CFAP61: variants seen among roughly 807,000 people sequenced by gnomAD.
The protein encoded by CFAP61 is cilia and flagella associated protein 61, also known as cilia- and flagella-associated protein 61.
CFAP61 carries 107 observed loss-of-function variants against 135.6 expected under a neutral mutation model. The observed-to-expected ratio is 0.79, with a 90% CI of 0.67 to 0.93. CFAP61 has a LOEUF of 0.93. Among genes scored for constraint, CFAP61 ranks in the 40% least tolerant of loss-of-function variants. The probability of loss-of-function intolerance (pLI) is 0.00; values close to 1 mark genes in which losing one functional copy is unlikely to be tolerated. For missense variants in CFAP61, 1,507 were observed against 1,556.2 expected, an observed-to-expected ratio of 0.97 and a Z score of 0.53; for synonymous variants, 575 against 578.5, an observed-to-expected ratio of 0.99 and a Z score of 0.09.
chr20:20,300,992 G>A (rs907841135), intron 25 of CFAP61, among the ~76,000 whole-genome samples: 1 of 152,098 alleles, frequency 6.6e-6, no homozygotes, highest in Non-Finnish European at 1.5e-5. Context: ...AAAAGAGTAA[G>A]CACAGGTTAA....
chr20:20,056,795 C>T lies in CFAP61; in HGVS notation c.142C>T (p.Leu48=). ...TGGGAAGCTAAATATCATCTATCTT[C>T]TGTAAGTAGATAACTAAGTTCAAGA... ...LFGKLNIIYL[L]EKANLAVTLC... is the part of the protein sequence containing the mutation. Residue 48 remains leucine (L), a splice_region_variant and synonymous_variant, in exon 2 of 27, where the codon CTA becomes TTA. Coordinates refer to ENST00000245957, the MANE Select transcript of CFAP61 (RefSeq NM_015585.4). 1 of 1,613,888 alleles carries T rather than the reference C, an allele frequency of 6.2e-7. No individual in the cohort carries two copies. The highest frequency in any genetic ancestry group is 8.5e-7 in the Non-Finnish European group (1 of 1,179,864).
intron 18 of CFAP61, among the ~76,000 whole-genome samples, chr20:20,241,144 TG>T (rs1180735361): frequency 6.6e-6 from 1 of 152,180 alleles, no homozygotes; most frequent in Non-Finnish European, 1.5e-5. Context: ...TGGGGAGACA[TG>T]TCTCTTCTGA....
intron 6 of CFAP61, among the ~76,000 whole-genome samples, chr20:20,081,193 A>G (rs1282197597): frequency 2.0e-5 from 3 of 152,206 alleles, no homozygotes; most frequent in Non-Finnish European, 4.4e-5. Flanking sequence ...ACATGTTCCT[A>G]CAAAGTAGGC....
chr20:20,284,623 T>C (rs947778455), intron 22 of CFAP61, among the ~76,000 whole-genome samples: 17 of 152,204 alleles, frequency 1.1e-4, no homozygotes, highest in Admixed American at 1.3e-4. Flanking sequence ...CTTTTAGTAA[T>C]TGCTCTATGG....
chr20:20,192,298 A>T (rs75304972), intron 15 of CFAP61, among the ~76,000 whole-genome samples: 1 of 151,858 alleles, frequency 6.6e-6, no homozygotes, highest in Admixed American at 6.6e-5. Context: ...TTTGTGCCAT[A>T]TGAGTTTTTG....
intron 8 of CFAP61, among the ~76,000 whole-genome samples, chr20:20,130,067 A>G (rs904907490): frequency 6.6e-6 from 1 of 151,726 alleles, no homozygotes; most frequent in Non-Finnish European, 1.5e-5. Flanking sequence ...AGGCGGGCAG[A>G]TCATGAGGTC....
At chr20:20,100,385 C>T (rs2047937132) in intron 8 of CFAP61, among the ~76,000 whole-genome samples, 1 of 152,036 alleles carries the variant, frequency 6.6e-6, no homozygotes, top group African/African-American at 2.4e-5. Context: ...GTTGGCCAGG[C>T]TGGTCTTGAA....
intron 17 of CFAP61, among the ~76,000 whole-genome samples, chr20:20,210,603 G>T (rs780976828): frequency 9.8e-5 from 15 of 152,294 alleles, no homozygotes; most frequent in Admixed American, 6.5e-5. Flanking sequence ...ACCCCACTAG[G>T]ATGACAGCAG....
chr20:20,121,748 C>T (rs1429462042), intron 8 of CFAP61, among the ~76,000 whole-genome samples: 1 of 152,140 alleles, frequency 6.6e-6, no homozygotes, highest in Non-Finnish European at 1.5e-5. Flanking sequence ...CCTGCTTCAG[C>T]CTTCCAAAAT....
intron 26 of CFAP61, among the ~76,000 whole-genome samples, chr20:20,346,300 C>T (rs62200213): frequency 0.017 from 2,476 of 148,956 alleles, 67 homozygotes; most frequent in African/African-American, 0.058. Context: ...GTGGATCGCC[C>T]GAGGTCAGGA....
chr20:20,250,566 T>C (rs910272071), intron 19 of CFAP61, among the ~76,000 whole-genome samples: 1 of 152,180 alleles, frequency 6.6e-6, no homozygotes, highest in African/African-American at 2.4e-5. Context: ...TTGGGCAACA[T>C]AGTGAGATCC....
At chr20:20,125,600 T>G (rs181465006) in intron 8 of CFAP61, among the ~76,000 whole-genome samples, 4 of 151,856 alleles carry the variant, frequency 2.6e-5, no homozygotes, top group African/African-American at 7.3e-5. Flanking sequence ...GTAATATTAA[T>G]TTTCTTAAAT....
chr20:20,190,898 T>C (rs1183834320), intron 14 of CFAP61, among the ~76,000 whole-genome samples: 4 of 152,034 alleles, frequency 2.6e-5, no homozygotes, highest in Non-Finnish European at 2.9e-5. Context: ...GCAGGTGGAT[T>C]CCTTGAGGCC....
intron 8 of CFAP61, among the ~76,000 whole-genome samples, chr20:20,112,224 TA>T (rs2146671985): frequency 1.3e-5 from 2 of 152,318 alleles, no homozygotes; most frequent in Admixed American, 1.3e-4. Context: ...GAATTATGAC[TA>T]TAATATTATG....
chr20:20,189,885 C>T (rs1011308288), intron 14 of CFAP61, among the ~76,000 whole-genome samples: 1 of 152,334 alleles, frequency 6.6e-6, no homozygotes, highest in Admixed American at 6.5e-5. Flanking sequence ...ACCTCCGCCT[C>T]CCGGGTTCAA....
chr20:20,223,329 A>C (rs1328165044), intron 17 of CFAP61, among the ~76,000 whole-genome samples: 3 of 152,204 alleles, frequency 2.0e-5, no homozygotes, highest in Non-Finnish European at 4.4e-5. Flanking sequence ...AGAGGCTCAG[A>C]ATTTCAACCA....
chr20:20,212,765 G>C (rs895416229), intron 17 of CFAP61, among the ~76,000 whole-genome samples: 9 of 152,198 alleles, frequency 5.9e-5, no homozygotes, highest in Admixed American at 5.9e-4. Context: ...GGCCTGTTCT[G>C]CTTCGCTGGT....
At chr20:20,184,472 AG>A (rs1206133207) in intron 13 of CFAP61, 1 of 152,256 alleles carries the variant, frequency 6.6e-6, no homozygotes, top group Non-Finnish European at 1.5e-5. Context: ...AGTGCTGTGG[AG>A]AAAAATAGAA....
intron 13 of CFAP61, among the ~76,000 whole-genome samples, chr20:20,183,218 G>A (rs1000164836): frequency 6.6e-6 from 1 of 151,102 alleles, no homozygotes; most frequent in Non-Finnish European, 1.5e-5. Context: ...GCAGTGGCAC[G>A]ACTTCGACTC....
Sources: allele counts gnomAD v4.1 joint callset (sites outside exome capture counted in the v4.1 genomes callset), GRCh38; gene constraint gnomAD v4.1.1; transcripts MANE v1.5; gene names NCBI Gene and HGNC (gene_info 2026-07-23, HGNC 2026-07-21).